The following DOCK5 variants were observed in gnomAD, a reference collection of about 807,000 sequenced individuals.
DOCK5 encodes dedicator of cytokinesis protein 5.
A neutral mutation model predicts 251.8 loss-of-function variants in DOCK5; 142 were observed. The ratio of observed to expected loss-of-function variants is 0.56; its 90% CI spans 0.49 to 0.65. The LOEUF (loss-of-function observed/expected upper bound fraction) is 0.65. Among genes scored for constraint, DOCK5 ranks in the 30% least tolerant of loss-of-function variants. The probability of loss-of-function intolerance (pLI) is 0.00; values close to 1 mark genes in which losing one functional copy is unlikely to be tolerated. For synonymous variants in DOCK5, 842 were observed against 835.5 expected (o/e 1.01, Z -0.13); for missense variants, 2,111 against 2,312.3 (o/e 0.91, Z 1.79).
At chr8:25,376,400 G>C in intron 37 of DOCK5, 2 of 982,240 alleles carry the variant, frequency 2.0e-6, no homozygotes, top group Non-Finnish European at 2.4e-6. Flanking sequence ...TATTTTGGGG[G>C]GAGGGAATCT....
chr8:25,258,578 G>A (rs186581321), intron 2 of DOCK5, among the ~76,000 whole-genome samples: 1 of 152,244 alleles, frequency 6.6e-6, no homozygotes. Flanking sequence ...GGGTGCTTTA[G>A]CGCTGCCTGT....
At chr8:25,312,761 C>A (rs1284780077) in intron 13 of DOCK5, among the ~76,000 whole-genome samples, 151 of 113,818 alleles carry the variant, frequency 1.3e-3, no homozygotes, top group Admixed American at 1.9e-3. Flanking sequence ...GACTCCGTCT[C>A]AAAAAAAAAA....
intron 13 of DOCK5, among the ~76,000 whole-genome samples, chr8:25,316,482 A>G (rs1031857229): frequency 1.3e-5 from 2 of 152,178 alleles, no homozygotes; most frequent in East Asian, 1.9e-4. Flanking sequence ...TCATGTATCA[A>G]AAAAAAGAAA....
At chr8:25,217,426 G>A (rs1802276955) in intron 1 of DOCK5, among the ~76,000 whole-genome samples, 1 of 152,068 alleles carries the variant, frequency 6.6e-6, no homozygotes, top group South Asian at 2.1e-4. Context: ...GTCACCATGA[G>A]TTTACTGAAG....
At chr8:25,371,569 A>G (rs4446748) in intron 34 of DOCK5, among the ~76,000 whole-genome samples, 70,326 of 152,100 alleles carry the variant, frequency 0.46, 16,497 homozygotes, top group Middle Eastern at 0.54. Flanking sequence ...AAGACCTTTT[A>G]TTGGTCTTTT....
At chr8:25,351,502 C>G in intron 26 of DOCK5, 1 of 478,338 alleles carries the variant, frequency 2.1e-6, no homozygotes. Flanking sequence ...GGCACTCATC[C>G]CTGCACAGCC....
At chr8:25,185,964 A>C (rs1801419612) in intron 1 of DOCK5, among the ~76,000 whole-genome samples, 1 of 152,126 alleles carries the variant, frequency 6.6e-6, no homozygotes, top group South Asian at 2.1e-4. Flanking sequence ...GTGTGTTGCG[A>C]ATTTTATCAC....
At chr8:25,194,627 T>C (rs1485993130) in intron 1 of DOCK5, among the ~76,000 whole-genome samples, 1 of 152,114 alleles carries the variant, frequency 6.6e-6, no homozygotes, top group African/African-American at 2.4e-5. Flanking sequence ...CCCTTCCCTG[T>C]GCTTCGGGAT....
chr8:25,335,094 A>T (rs1805770533), intron 21 of DOCK5, among the ~76,000 whole-genome samples: 1 of 152,178 alleles, frequency 6.6e-6, no homozygotes, highest in Non-Finnish European at 1.5e-5. Context: ...TGCCACACCC[A>T]CCCGTTGCCT....
intron 2 of DOCK5, among the ~76,000 whole-genome samples, chr8:25,263,320 G>A (rs1803641938): frequency 6.6e-6 from 1 of 151,690 alleles, no homozygotes; most frequent in African/African-American, 2.4e-5. Context: ...AACTAACTAG[G>A]TAATTCAACA....
intron 48 of DOCK5, among the ~76,000 whole-genome samples, chr8:25,407,096 T>C (rs1801536024): frequency 6.6e-6 from 1 of 152,172 alleles, no homozygotes; most frequent in African/African-American, 2.4e-5. Flanking sequence ...TACAAAAATA[T>C]GTATGTAACT....
intron 27 of DOCK5, among the ~76,000 whole-genome samples, chr8:25,356,154 C>T (rs549143409): frequency 2.6e-5 from 4 of 151,954 alleles, no homozygotes; most frequent in Admixed American, 6.6e-5. Context: ...GAGCTGAGAT[C>T]GCGCCACTGC....
chr8:25,278,726 C>T, intron 5 of DOCK5, 61 bp downstream of exon 5: 1 of 1,491,834 alleles, frequency 6.7e-7, no homozygotes. Flanking sequence ...CCTGTAGGTC[C>T]TTTGCAGGGT....
At chr8:25,344,970 C>A (rs914588651) in intron 25 of DOCK5, among the ~76,000 whole-genome samples, 1 of 152,112 alleles carries the variant, frequency 6.6e-6, no homozygotes, top group Non-Finnish European at 1.5e-5. Flanking sequence ...TCATACCTTA[C>A]TTTCTGAAAT....
At chr8:25,268,278 A>T (rs1803816618) in intron 2 of DOCK5, among the ~76,000 whole-genome samples, 1 of 152,108 alleles carries the variant, frequency 6.6e-6, no homozygotes, top group South Asian at 2.1e-4. Context: ...AATTGCACGT[A>T]ATTTTGTTTT....
chr8:25,414,744 A>C lies in DOCK5; in HGVS notation c.*3446A>C, dbSNP rs1801681839. ...AAAGTTCCCACATGCCCATGGTGCC[A>C]TTTTGTGAAAGGTATTTATAAGGCC... On this transcript the variant is annotated 3_prime_UTR_variant, in exon 52 of 52. Coordinates refer to ENST00000276440, the MANE Select transcript of DOCK5 (RefSeq NM_024940.8). The C allele has an allele frequency of 6.6e-6, 1 of 152,092 alleles. No homozygotes were observed. The highest frequency in any genetic ancestry group is 2.1e-4 in the South Asian group (1 of 4,822). 9.4% of individuals were successfully genotyped at this position (152,092 alleles called of 1,614,324 possible).
rs147197943 is a variant in DOCK5, at chr8:25,184,838, G to A, written c.-71G>A. ...GCGTCTGGGGCACGCAGGAGCGCGG[G>A]GCGGCGGCGGCCGGAGCCCGAGGAG... On this transcript the variant is annotated 5_prime_UTR_variant, in exon 1 of 52. Coordinates refer to ENST00000276440, the MANE Select transcript of DOCK5 (RefSeq NM_024940.8). 8.9e-6 allele frequency: 11 copies of A among 1,239,214 alleles called. No homozygotes were observed. Among genetic ancestry groups the A allele is most frequent in the Non-Finnish European group, 1.1e-5 (11 of 974,826 alleles). 76.8% of individuals were successfully genotyped at this position (1,239,214 alleles called of 1,614,324 possible). A position where few individuals can be genotyped will look rare whatever the true frequency, so the allele number is the denominator to read the frequency against.
chr8:25,239,591 A>G (rs1802891060), intron 1 of DOCK5, among the ~76,000 whole-genome samples: 1 of 152,132 alleles, frequency 6.6e-6, no homozygotes, highest in Non-Finnish European at 1.5e-5. Flanking sequence ...AATAGGGAGT[A>G]GGAGATGTCA....
intron 35 of DOCK5, 21 bp downstream of exon 35, chr8:25,372,739 G>A (rs1310367013): frequency 1.2e-6 from 2 of 1,603,986 alleles, no homozygotes; most frequent in Admixed American, 3.4e-5. Context: ...TGCCTCCGGT[G>A]TGATGGGAGG....
Sources: allele counts gnomAD v4.1 joint callset (sites outside exome capture counted in the v4.1 genomes callset), GRCh38; gene constraint gnomAD v4.1.1; transcripts MANE v1.5; gene names NCBI Gene and HGNC (gene_info 2026-07-23, HGNC 2026-07-21).